DENND10: variants seen among roughly 807,000 people sequenced by gnomAD.
The protein encoded by DENND10 is DENN domain containing 10, also known as DENN domain-containing protein 10.
In DENND10, 24 loss-of-function variants were observed where a neutral mutation model predicts 43.6. That is an observed-to-expected ratio of 0.55 (90% CI 0.40 to 0.77). The LOEUF (loss-of-function observed/expected upper bound fraction) is 0.77, where lower values mean the gene tolerates loss of function less well. Ranked by LOEUF, DENND10 falls within the 30% of genes least tolerant of loss-of-function variation. The probability of loss-of-function intolerance (pLI) is 0.00; values close to 1 mark genes in which losing one functional copy is unlikely to be tolerated. For missense variants in DENND10, 303 were observed against 429.9 expected, an observed-to-expected ratio of 0.70 and a Z score of 2.61; for synonymous variants, 125 against 157.6, an observed-to-expected ratio of 0.79 and a Z score of 1.55.
chr10:119,104,303 T>G, intron 1 of DENND10, 106 bp downstream of exon 1: 1 of 1,086,160 alleles, frequency 9.2e-7, no homozygotes, highest in Non-Finnish European at 1.3e-6. Context: ...GCCGACCGCA[T>G]GAGGAGGGCG....
chr10:119,130,627 G>A (rs545713524), intron 7 of DENND10, among the ~76,000 whole-genome samples: 3 of 152,114 alleles, frequency 2.0e-5, no homozygotes, highest in Admixed American at 6.6e-5. Flanking sequence ...CAGTTTTGGC[G>A]GATCAGGAAT....
intron 6 of DENND10, among the ~76,000 whole-genome samples, chr10:119,125,000 T>C (rs1418772822): frequency 6.6e-6 from 1 of 152,098 alleles, no homozygotes; most frequent in Non-Finnish European, 1.5e-5. Flanking sequence ...GGACGGAGTT[T>C]TGTTCTTGTT....
At chr10:119,134,497 T>C (rs765070315) in intron 8 of DENND10, 1 of 152,264 alleles carries the variant, frequency 6.6e-6, no homozygotes, top group Non-Finnish European at 1.5e-5. Context: ...ACCATAGGCA[T>C]GCACCACCAT....
chr10:119,111,051 A>C (rs1844948584), intron 2 of DENND10, among the ~76,000 whole-genome samples: 2 of 151,948 alleles, frequency 1.3e-5, no homozygotes, highest in African/African-American at 2.4e-5. Context: ...ATTTGAGGCC[A>C]GGAGTTCGAG....
At chr10:119,104,428 C>G (rs1367057676) in intron 1 of DENND10, among the ~76,000 whole-genome samples, 1 of 151,350 alleles carries the variant, frequency 6.6e-6, no homozygotes, top group South Asian at 2.1e-4. Context: ...GGGGCCTGCC[C>G]GGCCCGAGGG....
chr10:119,132,813 G>T lies in DENND10; in HGVS notation c.897+204G>T. ...ATCTAGTTAGTTACTGGGCTCGAGG[G>T]CAGGTATACACAGGGGCTGGTGCTG... On this transcript the variant is annotated intron_variant, in intron 8 of 8. Coordinates refer to ENST00000361432, the MANE Select transcript of DENND10 (RefSeq NM_207009.4). The surrounding 1 kb of genome is among the most constrained non-coding windows in gnomAD (Gnocchi z 4.2). 1.7e-6 allele frequency: 1 copy of T among 584,206 alleles called. No homozygotes were observed. Among genetic ancestry groups the T allele is most frequent in the Non-Finnish European group, 3.1e-6 (1 of 326,698 alleles). 36.2% of individuals were successfully genotyped at this position (584,206 alleles called of 1,614,324 possible). A position where few individuals can be genotyped will look rare whatever the true frequency, so the allele number is the denominator to read the frequency against.
intron 7 of DENND10, among the ~76,000 whole-genome samples, chr10:119,130,082 G>A (rs929405740): frequency 8.6e-5 from 13 of 151,372 alleles, no homozygotes; most frequent in Non-Finnish European, 1.3e-4. Context: ...TTGGCTCACT[G>A]CAGCCTATGC....
Position 119,129,577 on chromosome 10 carries a change from G to T in DENND10, c.757G>T (p.Val253Leu). ...CAGACCAGACCTCTATGATGTGTTT[G>T]TGAATCTGGCAGAGAGTGAGATTAC... is the stretch of plus-strand genomic sequence containing the variant. ...SNRPDLYDVFVNLAESEITIA... is the reference protein window; with the variant it reads ...SNRPDLYDVFLNLAESEITIA... Residue 253 changes from valine to leucine, a missense_variant, in exon 7 of 9, where the codon GTG becomes TTG. Coordinates refer to ENST00000361432, the MANE Select transcript of DENND10 (RefSeq NM_207009.4). 6.2e-7 allele frequency: 1 copy of T among 1,613,852 alleles called. No homozygotes were observed. Among genetic ancestry groups the T allele is most frequent in the Non-Finnish European group, 8.5e-7 (1 of 1,179,732 alleles).
At chr10:119,111,988 A>G in intron 3 of DENND10, 60 bp downstream of exon 3, 2 of 1,274,034 alleles carry the variant, frequency 1.6e-6, no homozygotes, top group South Asian at 2.4e-5. Flanking sequence ...GTATAGTTAC[A>G]TAGCAGATTT....
intron 8 of DENND10, chr10:119,134,233 T>C (rs1846207413): frequency 6.6e-6 from 1 of 151,902 alleles, no homozygotes; most frequent in Non-Finnish European, 1.5e-5. Context: ...GAGATGGGGT[T>C]TCACCACGCT....
chr10:119,126,567 C>T (rs986975950), intron 6 of DENND10, among the ~76,000 whole-genome samples: 1 of 152,164 alleles, frequency 6.6e-6, no homozygotes, highest in Non-Finnish European at 1.5e-5. Context: ...CTGGTTCAAG[C>T]AGTTCTCTTA....
At chr10:119,130,370 A>C (rs1361035827) in intron 7 of DENND10, among the ~76,000 whole-genome samples, 3 of 152,158 alleles carry the variant, frequency 2.0e-5, no homozygotes, top group Non-Finnish European at 4.4e-5. Flanking sequence ...CATGTTGGTC[A>C]GCTGGTCTTG....
chr10:119,126,989 C>A (rs1415103698), intron 6 of DENND10, among the ~76,000 whole-genome samples: 3 of 151,062 alleles, frequency 2.0e-5, no homozygotes, highest in Non-Finnish European at 2.9e-5. Context: ...ACCTCCACTT[C>A]CTGGGCTTAA....
At chr10:119,125,501 C>CTTGTTTTT (rs1845784138) in intron 6 of DENND10, among the ~76,000 whole-genome samples, 1 of 65,846 alleles carries the variant, frequency 1.5e-5, no homozygotes, top group East Asian at 5.9e-4. Context: ...TTCTAGTTTT[C>CTTGTTTTT]TTTTTTTTTT....
At chr10:119,125,501 CTTTTTTTTTTTTTTT>C (rs34630434) in intron 6 of DENND10, among the ~76,000 whole-genome samples, 1 of 65,848 alleles carries the variant, frequency 1.5e-5, no homozygotes, top group Non-Finnish European at 2.8e-5. Context: ...TTCTAGTTTT[CTTTTTTTTTTTTTTT>C]TTTTTTTTTG....
intron 3 of DENND10, among the ~76,000 whole-genome samples, chr10:119,116,606 T>C (rs1845285968): frequency 6.6e-6 from 1 of 152,110 alleles, no homozygotes; most frequent in South Asian, 2.1e-4. Context: ...TGTAAGGAGA[T>C]GGCTGAGTCC....
intron 1 of DENND10, among the ~76,000 whole-genome samples, chr10:119,107,309 AAAG>A: frequency 6.6e-6 from 1 of 152,004 alleles, no homozygotes; most frequent in Admixed American, 6.6e-5. Flanking sequence ...AAAAAAAAAA[AAAG>A]AATTATTCCA....
chr10:119,114,439 C>G (rs1284779369), intron 3 of DENND10: 1 of 152,226 alleles, frequency 6.6e-6, no homozygotes, highest in African/African-American at 2.4e-5. Flanking sequence ...AGCAGAAGCC[C>G]GCAGGAGGGA....
rs371918776 is a variant in DENND10, at chr10:119,112,417, T to G, written c.332+489T>G. ...TTAGTCACGATTCAGCTAGACTCTTTTAGTTTCATCTCCATTGTTGAAAAA... is the reference window on the plus strand; with the variant it reads ...TTAGTCACGATTCAGCTAGACTCTTGTAGTTTCATCTCCATTGTTGAAAAA... On this transcript the variant is annotated intron_variant, in intron 3 of 8. Transcript: ENST00000361432. Among the ~76,000 whole-genome samples, 74 of 152,278 alleles carry G rather than the reference T, an allele frequency of 4.9e-4. 2 individuals carry two copies. The Middle Eastern group carries it at 0.01, about 21-fold the overall frequency.
Sources: allele counts gnomAD v4.1 joint callset (sites outside exome capture counted in the v4.1 genomes callset), GRCh38; gene constraint gnomAD v4.1.1; non-coding constraint Gnocchi (gnomAD v3.1); transcripts MANE v1.5; gene names NCBI Gene and HGNC (gene_info 2026-07-23, HGNC 2026-07-21).